Variants in PDE1C observed in about 807,000 individuals in gnomAD.
The protein encoded by PDE1C is dual specificity calcium/calmodulin-dependent 3',5'-cyclic nucleotide phosphodiesterase 1C.
PDE1C carries 62 observed loss-of-function variants against 93.1 expected under a neutral mutation model. That is an observed-to-expected ratio of 0.67 (90% CI 0.54 to 0.82). The LOEUF is 0.82. Among genes scored for constraint, PDE1C ranks in the 40% least tolerant of loss-of-function variants. The probability of loss-of-function intolerance (pLI) is 0.00; values close to 1 mark genes in which losing one functional copy is unlikely to be tolerated. For synonymous variants in PDE1C, 325 were observed against 310.1 expected (o/e 1.05, Z -0.50); for missense variants, 742 against 884.6 (o/e 0.84, Z 2.04).
the PDE1C span, among the ~76,000 whole-genome samples, chr7:31,706,696 G>A: frequency 1.4e-4 from 22 of 152,248 alleles, no homozygotes; most frequent in East Asian, 3.3e-3. Context: ...GAAAATAAAC[G>A]AGCAAATATT....
At chr7:31,862,040 C>T (rs1251434927) in intron 7 of PDE1C, among the ~76,000 whole-genome samples, 2 of 152,196 alleles carry the variant, frequency 1.3e-5, no homozygotes, top group Non-Finnish European at 2.9e-5. Flanking sequence ...TATTCTCTTA[C>T]AGGACTCTTG....
intron 1 of PDE1C, among the ~76,000 whole-genome samples, chr7:32,294,027 C>T (rs1017271120): frequency 6.6e-6 from 1 of 152,114 alleles, no homozygotes. Context: ...GGCCACACCC[C>T]CAGTGTATGC....
At chr7:31,902,609 C>G (rs1468607524) in intron 2 of PDE1C, among the ~76,000 whole-genome samples, 1 of 151,740 alleles carries the variant, frequency 6.6e-6, no homozygotes, top group Non-Finnish European at 1.5e-5. Context: ...CTGAAATATT[C>G]ATTTACAGAC....
At chr7:31,951,950 T>C (rs1366550020) in intron 2 of PDE1C, among the ~76,000 whole-genome samples, 4 of 152,176 alleles carry the variant, frequency 2.6e-5, no homozygotes, top group Non-Finnish European at 5.9e-5. Context: ...CCATAACAAA[T>C]TTAGAATATT....
intron 2 of PDE1C, among the ~76,000 whole-genome samples, chr7:31,931,746 T>G (rs60775168): frequency 5.9e-5 from 9 of 152,152 alleles, no homozygotes; most frequent in African/African-American, 2.2e-4. Context: ...TACTTTAAAT[T>G]TCATATGGAA....
chr7:32,036,618 G>A (rs1045529066), intron 2 of PDE1C, among the ~76,000 whole-genome samples: 10 of 152,040 alleles, frequency 6.6e-5, no homozygotes, highest in Admixed American at 3.3e-4. Context: ...CTAATGTCCC[G>A]AATGAAAAAG....
chr7:32,237,808 T>G (rs1403712248), intron 1 of PDE1C, among the ~76,000 whole-genome samples: 1 of 130,848 alleles, frequency 7.6e-6, no homozygotes, highest in Non-Finnish European at 1.6e-5. Flanking sequence ...CTCGCTCTTG[T>G]TGCCCAGGCT....
chr7:31,824,769 T>C (rs1477141739), intron 13 of PDE1C, 98 bp downstream of exon 13: 5 of 1,483,070 alleles, frequency 3.4e-6, no homozygotes, highest in Non-Finnish European at 4.6e-6. Context: ...CTAAGGCAAA[T>C]GCCATTATGA....
At chr7:32,109,549 T>C (rs953177289) in intron 3 of PDE1C, among the ~76,000 whole-genome samples, 5 of 152,116 alleles carry the variant, frequency 3.3e-5, no homozygotes, top group Non-Finnish European at 5.9e-5. Flanking sequence ...CTCTACCCAA[T>C]AGGTGCCAGT....
chr7:32,383,020 G>C (rs17161287), intron 1 of PDE1C, among the ~76,000 whole-genome samples: 24,765 of 152,198 alleles, frequency 0.16, 2,846 homozygotes, highest in African/African-American at 0.32. Context: ...CAAGAGGCAA[G>C]GCCTCAGCCA....
chr7:32,082,225 C>G (rs1179364249), intron 3 of PDE1C, among the ~76,000 whole-genome samples: 3 of 152,270 alleles, frequency 2.0e-5, no homozygotes, highest in African/African-American at 7.2e-5. Context: ...GCACATGGCT[C>G]TGAGGGTCCT....
At chr7:32,042,839 T>G (rs566936098) in intron 2 of PDE1C, among the ~76,000 whole-genome samples, 1 of 152,276 alleles carries the variant, frequency 6.6e-6, no homozygotes, top group African/African-American at 2.4e-5. Flanking sequence ...TGACCTAGAC[T>G]TCCTCCTGGA....
intron 2 of PDE1C, among the ~76,000 whole-genome samples, chr7:31,995,782 G>A (rs1159828223): frequency 6.6e-6 from 1 of 152,092 alleles, no homozygotes; most frequent in African/African-American, 2.4e-5. Context: ...CCAAATCTTA[G>A]GTCCAAAACA....
At chr7:31,742,859 C>T in the PDE1C span, among the ~76,000 whole-genome samples, 8 of 152,088 alleles carry the variant, frequency 5.3e-5, no homozygotes, top group African/African-American at 1.4e-4. Context: ...CTATTCTGTC[C>T]CCAGTGTGGT....
At chr7:31,998,121 A>G (rs969029183) in intron 2 of PDE1C, among the ~76,000 whole-genome samples, 13 of 151,924 alleles carry the variant, frequency 8.6e-5, no homozygotes, top group African/African-American at 1.5e-4. Context: ...CTGTGTTCAC[A>G]CCATTCTCCT....
the PDE1C span, among the ~76,000 whole-genome samples, chr7:31,740,351 T>C: frequency 2.0e-5 from 3 of 152,238 alleles, no homozygotes; most frequent in East Asian, 1.9e-4. Flanking sequence ...ACATATGTTA[T>C]GTATACACAT....
chr7:32,217,214 T>TATGAACCAGTACAACTCACA (rs1806501013), intron 1 of PDE1C, among the ~76,000 whole-genome samples: 2 of 152,338 alleles, frequency 1.3e-5, no homozygotes, highest in African/African-American at 2.4e-5. Flanking sequence ...TGCATCTCAG[T>TATGAACCAGTACAACTCACA]ATGAACCAGT....
intron 1 of PDE1C, among the ~76,000 whole-genome samples, chr7:32,427,487 G>A (rs1785558145): frequency 6.6e-6 from 1 of 152,126 alleles, no homozygotes; most frequent in African/African-American, 2.4e-5. Flanking sequence ...CCCAATTCCC[G>A]TGGGAGGAGA....
chr7:32,149,453 C>T (rs1240109527), intron 3 of PDE1C, among the ~76,000 whole-genome samples: 1 of 152,154 alleles, frequency 6.6e-6, no homozygotes, highest in Non-Finnish European at 1.5e-5. Context: ...GAGACTCTAT[C>T]CCAAGAAAAT....
Sources: allele counts gnomAD v4.1 joint callset (sites outside exome capture counted in the v4.1 genomes callset), GRCh38; gene constraint gnomAD v4.1.1; transcripts MANE v1.5; gene names NCBI Gene and HGNC (gene_info 2026-07-23, HGNC 2026-07-21).